Variants in ZCCHC7 observed in about 807,000 individuals in gnomAD.
ZCCHC7 encodes zinc finger CCHC domain-containing protein 7.
Under a neutral mutation model 52.0 loss-of-function variants are expected in ZCCHC7, and 35 were observed. The ratio of observed to expected loss-of-function variants is 0.67; its 90% CI spans 0.51 to 0.89. The LOEUF (loss-of-function observed/expected upper bound fraction) is 0.89. ZCCHC7 is among the 40% of genes least tolerant of loss of function. ZCCHC7 has a pLI of 0.00. For missense variants in ZCCHC7, 574 were observed against 649.1 expected, an observed-to-expected ratio of 0.88 and a Z score of 1.26; for synonymous variants, 217 against 221.5, an observed-to-expected ratio of 0.98 and a Z score of 0.18.
intron 2 of ZCCHC7, among the ~76,000 whole-genome samples, chr9:37,229,979 A>G (rs1408422817): frequency 1.3e-5 from 2 of 152,198 alleles, no homozygotes; most frequent in Non-Finnish European, 2.9e-5. Flanking sequence ...ACACAGAAGC[A>G]CACATTAGCC....
intron 2 of ZCCHC7, among the ~76,000 whole-genome samples, chr9:37,178,311 T>C (rs917963340): frequency 1.3e-4 from 20 of 151,878 alleles, no homozygotes; most frequent in Admixed American, 7.2e-4. Flanking sequence ...TTATTCGCCT[T>C]TGTAACTTAA....
intron 2 of ZCCHC7, among the ~76,000 whole-genome samples, chr9:37,268,705 C>T (rs979915513): frequency 6.6e-6 from 1 of 152,158 alleles, no homozygotes; most frequent in Non-Finnish European, 1.5e-5. Context: ...GGATTACAGG[C>T]GTGAGCCACC....
At chr9:37,214,040 A>C (rs574045536) in intron 2 of ZCCHC7, among the ~76,000 whole-genome samples, 1 of 151,928 alleles carries the variant, frequency 6.6e-6, no homozygotes, top group East Asian at 1.9e-4. Flanking sequence ...GTTAGAATTC[A>C]TCAGACAAGA....
chr9:37,174,232 C>T (rs1272846438), intron 2 of ZCCHC7, among the ~76,000 whole-genome samples: 1 of 152,082 alleles, frequency 6.6e-6, no homozygotes, highest in Non-Finnish European at 1.5e-5. Context: ...TCGCTTGAAC[C>T]TGGGAGGCGG....
intron 2 of ZCCHC7, among the ~76,000 whole-genome samples, chr9:37,169,291 G>A (rs1821599878): frequency 6.6e-6 from 1 of 152,210 alleles, no homozygotes; most frequent in African/African-American, 2.4e-5. Flanking sequence ...CAGGAAGGCA[G>A]CTATTTGTTG....
intron 2 of ZCCHC7, among the ~76,000 whole-genome samples, chr9:37,146,821 A>G (rs1263717072): frequency 1.3e-5 from 2 of 151,898 alleles, no homozygotes; most frequent in Non-Finnish European, 2.9e-5. Flanking sequence ...AAGTAAATAG[A>G]TGTTAAGTTG....
At chr9:37,313,182 A>T (rs1178956466) in intron 5 of ZCCHC7, among the ~76,000 whole-genome samples, 2 of 152,224 alleles carry the variant, frequency 1.3e-5, no homozygotes, top group East Asian at 3.8e-4. Context: ...TTTTAATGTT[A>T]TTTATAGGTA....
intron 2 of ZCCHC7, among the ~76,000 whole-genome samples, chr9:37,200,965 T>G (rs1042952206): frequency 8.5e-5 from 13 of 152,326 alleles, no homozygotes; most frequent in African/African-American, 3.1e-4. Flanking sequence ...GGAATTTTAA[T>G]TTTGAGTGTG....
At chr9:37,336,929 GGGTCCAAACAGT>G (rs2118385865) in intron 6 of ZCCHC7, among the ~76,000 whole-genome samples, 1 of 152,042 alleles carries the variant, frequency 6.6e-6, no homozygotes, top group African/African-American at 2.4e-5. Flanking sequence ...TCATTGTTTG[GGGTCCAAACAGT>G]GGTAAGATAC....
At chr9:37,320,229 C>T (rs1829996429) in intron 5 of ZCCHC7, among the ~76,000 whole-genome samples, 1 of 152,086 alleles carries the variant, frequency 6.6e-6, no homozygotes, top group Non-Finnish European at 1.5e-5. Context: ...AGGCGCCTAC[C>T]ACCACACTCA....
chr9:37,334,561 T>C (rs1830572116), intron 6 of ZCCHC7, among the ~76,000 whole-genome samples: 1 of 152,022 alleles, frequency 6.6e-6, no homozygotes, highest in East Asian at 1.9e-4. Flanking sequence ...AAGCACAGTC[T>C]TTTCAGTGAC....
intron 6 of ZCCHC7, among the ~76,000 whole-genome samples, chr9:37,344,640 A>C (rs1012685784): frequency 1.2e-4 from 19 of 152,204 alleles, no homozygotes; most frequent in African/African-American, 4.1e-4. Flanking sequence ...GGCTTCCCCC[A>C]AAAAGTCAAT....
At chr9:37,280,492 A>G (rs1473316148) in intron 2 of ZCCHC7, among the ~76,000 whole-genome samples, 3 of 152,182 alleles carry the variant, frequency 2.0e-5, no homozygotes, top group African/African-American at 7.2e-5. Context: ...GTGGACCATA[A>G]AATAAGCTTC....
intron 6 of ZCCHC7, among the ~76,000 whole-genome samples, chr9:37,341,571 A>C (rs1033349949): frequency 2.0e-5 from 3 of 152,166 alleles, no homozygotes; most frequent in Admixed American, 2.0e-4. Context: ...TAAACTATAT[A>C]GTATGTCAGA....
intron 2 of ZCCHC7, among the ~76,000 whole-genome samples, chr9:37,263,368 A>G (rs1485537886): frequency 6.6e-6 from 1 of 151,922 alleles, no homozygotes; most frequent in Non-Finnish European, 1.5e-5. Context: ...TATTTTTAAA[A>G]TGGAAGGAAT....
chr9:37,142,653 C>A (rs1843277808), intron 2 of ZCCHC7, among the ~76,000 whole-genome samples: 1 of 151,598 alleles, frequency 6.6e-6, no homozygotes, highest in South Asian at 2.1e-4. Context: ...TTTGTCCATG[C>A]CAATTAAAAT....
chr9:37,213,520 C>A (rs1181410233), intron 2 of ZCCHC7, among the ~76,000 whole-genome samples: 1 of 152,110 alleles, frequency 6.6e-6, no homozygotes, highest in Non-Finnish European at 1.5e-5. Context: ...AAACTTTTAA[C>A]AAGGTGTCAA....
intron 2 of ZCCHC7, among the ~76,000 whole-genome samples, chr9:37,221,308 A>C (rs1229891953): frequency 6.6e-6 from 1 of 152,172 alleles, no homozygotes; most frequent in Non-Finnish European, 1.5e-5. Flanking sequence ...CTGAGTAAGG[A>C]TGGTGTTAGT....
At chr9:37,335,058 ATAATTTTG>A (rs1333607394) in intron 6 of ZCCHC7, among the ~76,000 whole-genome samples, 2 of 152,116 alleles carry the variant, frequency 1.3e-5, no homozygotes, top group African/African-American at 4.8e-5. Context: ...GATCATCTTT[ATAATTTTG>A]TAATACATCC....
Sources: allele counts gnomAD v4.1 joint callset (sites outside exome capture counted in the v4.1 genomes callset), GRCh38; gene constraint gnomAD v4.1.1; transcripts MANE v1.5; gene names NCBI Gene and HGNC (gene_info 2026-07-23, HGNC 2026-07-21).